Variants in LLGL2 observed in about 807,000 individuals in gnomAD.
The protein encoded by LLGL2 is LLGL2, scribble cell polarity complex component.
In LLGL2, 81 loss-of-function variants were observed where a neutral mutation model predicts 123.2. That is an observed-to-expected ratio of 0.66 (90% CI 0.55 to 0.79). The LOEUF (loss-of-function observed/expected upper bound fraction) is 0.79, where lower values mean the gene tolerates loss of function less well. Ranked by LOEUF, LLGL2 falls within the 30% of genes least tolerant of loss-of-function variation. The pLI, the probability that LLGL2 is intolerant of heterozygous loss-of-function variation, is 0.00. For missense variants in LLGL2, 1,273 were observed against 1,414.6 expected (o/e 0.90, Z 1.61); for synonymous variants, 577 against 594.1 (o/e 0.97, Z 0.42).
chr17:75,569,854 C>T (rs1490264607), intron 14 of LLGL2, 109 bp from the exon 15 acceptor site: 1 of 1,218,320 alleles, frequency 8.2e-7, no homozygotes, highest in Non-Finnish European at 1.1e-6. Flanking sequence ...AGGCCTTTGT[C>T]CTTCCTTGAG....
chr17:75,537,248 GGCC>G (rs982278927), intron 1 of LLGL2, among the ~76,000 whole-genome samples: 7 of 152,154 alleles, frequency 4.6e-5, no homozygotes, highest in Non-Finnish European at 1.0e-4. Flanking sequence ...AGCACATCAA[GGCC>G]AGGAGACATG....
chr17:75,532,051 T>TACACACACACACACACAC (rs1470150170), intron 1 of LLGL2, among the ~76,000 whole-genome samples: 30 of 36,814 alleles, frequency 8.1e-4, no homozygotes, highest in African/African-American at 2.0e-3. Flanking sequence ...TATATATGTA[T>TACACACACACACACACAC]ATATACACAC....
chr17:75,559,174 G>A lies in LLGL2; in HGVS notation c.372-78G>A, dbSNP rs547933282. On this transcript the variant is annotated intron_variant, in intron 5 of 25. Coordinates refer to ENST00000392550, the MANE Select transcript of LLGL2 (RefSeq NM_001031803.2). This position sits in a 1 kb window ranked among gnomAD's most constrained non-coding sequence, Gnocchi z 4.6. Reference sequence around the variant, plus strand: ...AAAGGGCCTTATGGGCTTGTTTTCCGAGGAGTCAGGGGACCCCGTCCATGG... The same window carrying A: ...AAAGGGCCTTATGGGCTTGTTTTCCAAGGAGTCAGGGGACCCCGTCCATGG... 46 of 1,435,244 alleles carry A rather than the reference G, an allele frequency of 3.2e-5. 1 individual carries two copies. Among genetic ancestry groups the A allele is most frequent in the South Asian group, 1.3e-4 (9 of 70,164 alleles). 88.9% of individuals were successfully genotyped at this position (1,435,244 alleles called of 1,614,324 possible). A position where few individuals can be genotyped will look rare whatever the true frequency, so the allele number is the denominator to read the frequency against.
At position 75,559,990 on chromosome 17, in the gene LLGL2, A is replaced by G. The variant is rs188794705; in HGVS notation, c.530+580A>G. On this transcript the variant is annotated intron_variant, in intron 6 of 25. Coordinates refer to ENST00000392550, the MANE Select transcript of LLGL2 (RefSeq NM_001031803.2). This position sits in a 1 kb window ranked among gnomAD's most constrained non-coding sequence, Gnocchi z 4.6. ...AAAAAGAGAGGAGATAGCATCTGACAAGATCATGTTGGGGCCGGGTCGGTC... is the reference window on the plus strand; with the variant it reads ...AAAAAGAGAGGAGATAGCATCTGACGAGATCATGTTGGGGCCGGGTCGGTC... 7.3e-4 allele frequency among the ~76,000 whole-genome samples: 111 copies of G among 152,280 alleles called. No individual in the cohort carries two copies. Among genetic ancestry groups the G allele is most frequent in the Non-Finnish European group, 1.4e-3 (96 of 68,008 alleles).
intron 1 of LLGL2, among the ~76,000 whole-genome samples, chr17:75,542,236 ACCT>A (rs140392290): frequency 0.038 from 5,784 of 151,864 alleles, 112 homozygotes; most frequent in Middle Eastern, 0.14. Flanking sequence ...CAGCTTAGAT[ACCT>A]TCTTCTCGAA....
chr17:75,547,173 C>A (rs56221020), intron 2 of LLGL2, among the ~76,000 whole-genome samples: 2 of 152,082 alleles, frequency 1.3e-5, no homozygotes, highest in Non-Finnish European at 2.9e-5. Context: ...GACATCGCCC[C>A]GGGGGTCCTG....
Position 75,574,604 on chromosome 17 carries a change from G to A in LLGL2, c.2997-6G>A, listed in dbSNP as rs1331347117. The A allele has an allele frequency of 6.2e-7, 1 of 1,612,208 alleles. No individual in the cohort carries two copies. The highest frequency in any genetic ancestry group is 8.5e-7 in the Non-Finnish European group (1 of 1,179,546). On this transcript the variant is annotated splice_region_variant and splice_polypyrimidine_tract_variant and intron_variant, in intron 24 of 25. Coordinates refer to ENST00000392550, the MANE Select transcript of LLGL2 (RefSeq NM_001031803.2). ...GGCCATGACTCCCCTGTCTTTGCCT[G>A]TGCAGGAGCGGCAACTGGCGTTCAC...
At chr17:75,548,183 A>G (rs2054509085) in intron 2 of LLGL2, among the ~76,000 whole-genome samples, 1 of 152,142 alleles carries the variant, frequency 6.6e-6, no homozygotes. Flanking sequence ...TCTATTCGCA[A>G]TCATTTTAGA....
Position 75,574,452 on chromosome 17 carries a change from G to A in LLGL2, c.2954-1G>A, listed in dbSNP as rs757485038. The A allele has an allele frequency of 1.6e-5, 25 of 1,550,442 alleles. No homozygotes were observed. The South Asian group carries it at 3.0e-4, about 18-fold the overall frequency. On this transcript the variant is annotated splice_acceptor_variant, in intron 23 of 25. Transcript: ENST00000392550. LOFTEE classifies it high-confidence loss of function. ...GGCCTCTGTTCCCACCCGGCCTGCA[G>A]GAGTCCTGAAGGAAATCCAGAGCAC... is the stretch of plus-strand genomic sequence containing the variant.
Position 75,559,348 on chromosome 17 carries a change from G to A in LLGL2, c.468G>A (p.Val156=). 8 of 1,613,560 alleles carry A rather than the reference G, an allele frequency of 5.0e-6. No individual in the cohort carries two copies. Among genetic ancestry groups the A allele is most frequent in the South Asian group, 2.2e-5 (2 of 91,082 alleles). Residue 156 remains valine, a synonymous_variant, in exon 6 of 26, where the codon GTG becomes GTA. Coordinates refer to ENST00000392550, the MANE Select transcript of LLGL2 (RefSeq NM_001031803.2). This position sits in a 1 kb window ranked among gnomAD's most constrained non-coding sequence, Gnocchi z 4.6. ...LGTESGNVFV[V]QLPAFRALED... ...CCGAGAGTGGCAACGTGTTTGTGGTGCAGCTGCCAGCTTTTCGTGCGCTGG... is the reference window on the plus strand; with the variant it reads ...CCGAGAGTGGCAACGTGTTTGTGGTACAGCTGCCAGCTTTTCGTGCGCTGG...
Position 75,570,926 on chromosome 17 carries a change from C to A in LLGL2, c.2026-24C>A, listed in dbSNP as rs768781787. Reference sequence around the variant, plus strand: ...TGGGGAGGGGAGTCCAGAGCTGACCCTTAGGCTGGCCCACCCCTTGCAGGC... The same window carrying A: ...TGGGGAGGGGAGTCCAGAGCTGACCATTAGGCTGGCCCACCCCTTGCAGGC... On this transcript the variant is annotated intron_variant, in intron 16 of 25. Transcript: ENST00000392550. The A allele has an allele frequency of 5.7e-6, 9 of 1,592,318 alleles. No individual in the cohort carries two copies. The South Asian group carries it at 1.0e-4, about 18-fold the overall frequency.
At position 75,559,411 on chromosome 17, in the gene LLGL2, G is replaced by A. The variant is rs759929022; in HGVS notation, c.530+1G>A. On this transcript the variant is annotated splice_donor_variant, in intron 6 of 25. Transcript: ENST00000392550. LOFTEE classifies it high-confidence loss of function. The surrounding 1 kb of genome is among the most constrained non-coding windows in gnomAD (Gnocchi z 4.6). ...TCAGCTCGGACGCGGTGCTGCAGCG[G>A]TGAGCCCAGAGCCCAGCTGCTGTTA... The A allele has an allele frequency of 4.4e-6, 7 of 1,604,062 alleles. No homozygotes were observed. In the African/African-American group the frequency reaches 8.0e-5, roughly 18 times the overall value.
At position 75,558,496 on chromosome 17, in the gene LLGL2, C is replaced by A; in HGVS notation, c.256-16C>A. On this transcript the variant is annotated splice_polypyrimidine_tract_variant and intron_variant, in intron 4 of 25. Transcript: ENST00000392550. The surrounding 1 kb of genome is among the most constrained non-coding windows in gnomAD (Gnocchi z 4.0). ...GGGTAGCAAGACCACATGATCCCGT[C>A]GTGTGCCCTCGCCAGTGCCAGCTGG... is the stretch of plus-strand genomic sequence containing the variant. 1.3e-6 allele frequency: 2 copies of A among 1,564,024 alleles called. No individual in the cohort carries two copies. Among genetic ancestry groups the A allele is most frequent in the South Asian group, 2.3e-5 (2 of 85,218 alleles).
intron 2 of LLGL2, among the ~76,000 whole-genome samples, chr17:75,547,607 T>C (rs1176352200): frequency 6.6e-6 from 1 of 152,088 alleles, no homozygotes; most frequent in African/African-American, 2.4e-5. Context: ...GGTGGATCAC[T>C]TGAGGTCTGA....
chr17:75,543,033 T>G (rs2054276155), intron 1 of LLGL2: 1 of 156,160 alleles, frequency 6.4e-6, no homozygotes, highest in Non-Finnish European at 1.4e-5. Flanking sequence ...GAAGTTTCCC[T>G]TTCTGCTTAG....
chr17:75,572,389 C>T (rs2055757136), intron 19 of LLGL2, among the ~76,000 whole-genome samples: 1 of 152,028 alleles, frequency 6.6e-6, no homozygotes, highest in South Asian at 2.1e-4. Flanking sequence ...ATGGGCCAGG[C>T]GCGGTGGCTC....
chr17:75,556,065 C>T lies in LLGL2; in HGVS notation c.95C>T (p.Pro32Leu), dbSNP rs755544035. 2.2e-5 allele frequency: 35 copies of T among 1,609,004 alleles called. No individual in the cohort carries two copies. Among genetic ancestry groups the T allele is most frequent in the Non-Finnish European group, 3.0e-5 (35 of 1,179,940 alleles). ...QFNKTVEHGF[P>L]HQPSALGYSP... is the part of the protein sequence containing the mutation. ...TTGCAGACGGTGGAGCATGGCTTCC[C>T]GCACCAGCCCAGCGCCCTCGGCTAC... Residue 32 changes from proline to leucine, a missense_variant, in exon 3 of 26, where the codon CCG becomes CTG. Transcript: ENST00000392550.
At chr17:75,525,550 G>A (rs1252496972), upstream of LLGL2, among the ~76,000 whole-genome samples, 1 of 150,980 alleles carries the variant, frequency 6.6e-6, no homozygotes, top group Non-Finnish European at 1.5e-5. This position sits in a 1 kb window ranked among gnomAD's most constrained non-coding sequence, Gnocchi z 4.8. Flanking sequence ...GCTTCCCGGG[G>A]CCGCGGATTG....
chr17:75,562,247 G>A (rs1280744923), intron 6 of LLGL2: 1 of 152,112 alleles, frequency 6.6e-6, no homozygotes, highest in Non-Finnish European at 1.5e-5. Context: ...TGTTTTATGG[G>A]GCTAAAAAAC....
Sources: gnomAD v4.1 joint callset for allele counts (sites outside exome capture counted in the v4.1 genomes callset) on GRCh38, gnomAD v4.1.1 for gene constraint, Gnocchi (gnomAD v3.1) non-coding constraint, MANE v1.5 for transcripts, NCBI Gene and HGNC (gene_info 2026-07-23, HGNC 2026-07-21) for gene names.